MCM4: variants seen among roughly 807,000 people sequenced by gnomAD.
MCM4 encodes the protein DNA replication licensing factor MCM4.
In MCM4, 60 loss-of-function variants were observed where a neutral mutation model predicts 88.7. That is an observed-to-expected ratio of 0.68 (90% CI 0.55 to 0.84). MCM4 has a LOEUF of 0.84. Among genes scored for constraint, MCM4 ranks in the 40% least tolerant of loss-of-function variants. The probability of loss-of-function intolerance (pLI) is 0.00; values close to 1 mark genes in which losing one functional copy is unlikely to be tolerated. For missense variants in MCM4, 1,149 were observed against 1,105.5 expected, an observed-to-expected ratio of 1.04 and a Z score of -0.56; for synonymous variants, 465 against 410.5, an observed-to-expected ratio of 1.13 and a Z score of -1.61.
Position 47,976,808 on chromosome 8 carries a change from T to C in MCM4, c.*30T>C, listed in dbSNP as rs2091005533. The C allele has an allele frequency of 7.0e-7, 1 of 1,428,824 alleles. No individual in the cohort carries two copies. Among genetic ancestry groups the C allele is most frequent in the Non-Finnish European group, 9.9e-7 (1 of 1,011,948 alleles). The allele number at this position is 1,428,824 out of a possible 1,614,324, so 88.5% of individuals were successfully genotyped here. A position where few individuals can be genotyped will look rare whatever the true frequency, so the allele number is the denominator to read the frequency against. On this transcript the variant is annotated 3_prime_UTR_variant, in exon 17 of 17. Transcript: ENST00000649973. ...TTGTGAGCAAGGAAGGCTCCCTGCA[T>C]GTCCTGCTTGCTGCACGCCACATGG... is the stretch of plus-strand genomic sequence containing the variant.
chr8:47,972,836 A>G, intron 13 of MCM4, 21 bp from the exon 14 acceptor site: 12 of 1,606,978 alleles, frequency 7.5e-6, no homozygotes, highest in Non-Finnish European at 1.0e-5. Context: ...GAAAAACAGT[A>G]TTTTTACTTT....
At position 47,966,314 on chromosome 8, in the gene MCM4, C is replaced by A; in HGVS notation, c.960C>A (p.Gly320=). 1.2e-6 allele frequency: 2 copies of A among 1,614,058 alleles called. No homozygotes were observed. Among genetic ancestry groups the A allele is most frequent in the Non-Finnish European group, 1.7e-6 (2 of 1,180,050 alleles). Residue 320 remains glycine (G), a synonymous_variant, in exon 9 of 17, where the codon GGC becomes GGA. Coordinates refer to ENST00000649973, the MANE Select transcript of MCM4 (RefSeq NM_182746.3). The part of the protein sequence containing the change: ...AHTTRVEMDR[G]RIAEPSVCGR... ...CGACCCGGGTGGAGATGGACCGCGG[C>A]CGCATTGCAGAGCCCAGTGTGTGCG... is the stretch of plus-strand genomic sequence containing the variant.
At chr8:47,961,736 C>G (rs1482103409) in intron 3 of MCM4, 56 bp downstream of exon 3, 1 of 1,547,340 alleles carries the variant, frequency 6.5e-7, no homozygotes, top group East Asian at 2.3e-5. Flanking sequence ...GATGCTTTAT[C>G]TGCTCAGGTT....
chr8:47,972,923 C>T lies in MCM4; in HGVS notation c.1995C>T (p.His665=), dbSNP rs1368235746. The change falls in exon 14 of 17, where the codon CAC becomes CAT. Residue 665 remains histidine (H), a synonymous_variant. Transcript: ENST00000649973. ...CCTATGACAGGCGTCTGGCTCACCACCTGGTCGCACTGTACTACCAGAGCG... is the reference window on the plus strand; with the variant it reads ...CCTATGACAGGCGTCTGGCTCACCATCTGGTCGCACTGTACTACCAGAGCG... The part of the protein sequence containing the change: ...DEAYDRRLAH[H]LVALYYQSEE... 1.9e-6 allele frequency: 3 copies of T among 1,614,216 alleles called. No individual in the cohort carries two copies. Among genetic ancestry groups the T allele is most frequent in the Non-Finnish European group, 2.5e-6 (3 of 1,180,040 alleles).
intron 12 of MCM4, 160 bp from the exon 13 acceptor site, chr8:47,971,181 C>T: frequency 1.3e-6 from 1 of 794,586 alleles, no homozygotes. Context: ...GAGGACAGGG[C>T]TTATCCAGGT....
intron 10 of MCM4, 146 bp downstream of exon 10, chr8:47,967,631 C>G (rs776255889): frequency 1.1e-4 from 107 of 987,356 alleles, no homozygotes; most frequent in Non-Finnish European, 1.6e-4. Context: ...TATATCCCTG[C>G]TTTATCTGCC....
At position 47,970,592 on chromosome 8, in the gene MCM4, A is replaced by T. The variant is rs1416909966; in HGVS notation, c.1516A>T (p.Ile506Phe). Residue 506 changes from isoleucine to phenylalanine, a missense_variant, in exon 12 of 17, where the codon ATC becomes TTC. This residue lies in a region of MCM4 where 906 missense variants were observed against 843.0 expected (regional missense o/e 1.07). Transcript: ENST00000649973. ...GGGCAAATTTCGGGCTGAGATCAAC[A>T]TCTTGCTGTGTGGCGACCCTGGTAC... The part of the protein sequence containing the change: ...GRGKFRAEIN[I>F]LLCGDPGTSK... 3.1e-6 allele frequency: 5 copies of T among 1,614,018 alleles called. No individual in the cohort carries two copies. Among genetic ancestry groups the T allele is most frequent in the Non-Finnish European group, 4.2e-6 (5 of 1,180,036 alleles).
At chr8:47,963,066 G>T in intron 7 of MCM4, 26 bp downstream of exon 7, 2 of 1,285,606 alleles carry the variant, frequency 1.6e-6, no homozygotes, top group South Asian at 1.3e-5. Flanking sequence ...TGACCTTGAT[G>T]AATTTTAGTA....
Position 47,974,988 on chromosome 8 carries a change from A to C in MCM4, c.2365+26A>C, listed in dbSNP as rs143668681. The C allele has an allele frequency of 5.2e-5, 82 of 1,563,798 alleles. No homozygotes were observed. The African/African-American group carries it at 9.3e-4, about 18-fold the overall frequency. On this transcript the variant is annotated intron_variant, in intron 15 of 16. Transcript: ENST00000649973. The stretch of plus-strand genomic sequence containing the variant: ...GTTCGTTATTTTCAGTGAACAGAAA[A>C]GCTTTTGAAAATTATTTCAATATGC...
chr8:47,971,280 C>T lies in MCM4; in HGVS notation c.1801-61C>T, dbSNP rs560681679. 8.7e-5 allele frequency: 140 copies of T among 1,601,880 alleles called. 3 individuals carry two copies. Among genetic ancestry groups the T allele is most frequent in the South Asian group, 6.8e-4 (62 of 90,628 alleles). On this transcript the variant is annotated intron_variant, in intron 12 of 16. Transcript: ENST00000649973. ...GGTTTAGTAGGTGGCCGGGCGAAGACGGTGCTTGTTAATTGCCAGCGTCAG... is the reference window on the plus strand; with the variant it reads ...GGTTTAGTAGGTGGCCGGGCGAAGATGGTGCTTGTTAATTGCCAGCGTCAG...
rs757251763 is a variant in MCM4, at chr8:47,961,554, C to T, written c.109C>T (p.Arg37Cys). The T allele has an allele frequency of 5.6e-6, 9 of 1,614,164 alleles. No individual in the cohort carries two copies. Among genetic ancestry groups the T allele is most frequent in the South Asian group, 4.4e-5 (4 of 91,082 alleles). Residue 37 changes from arginine to cysteine, a missense_variant, in exon 3 of 17, where the codon CGT becomes TGT. Arg to Cys is a radical substitution (Grantham distance 180). This residue lies in a region of MCM4 where 906 missense variants were observed against 843.0 expected (regional missense o/e 1.07). Transcript: ENST00000649973. ...EDARSSPSQR[R>C]RGEDSTSTGE... is the part of the protein sequence containing the mutation. The stretch of plus-strand genomic sequence containing the variant: ...TGCCAGGTCATCTCCCTCTCAGAGA[C>T]GTAGAGGCGAGGATTCCACCTCCAC...
rs2090897821 is a variant in MCM4 at position 47,966,306 on chromosome 8, G to A, written c.952G>A (p.Asp318Asn). 6.2e-7 allele frequency: 1 copy of A among 1,613,900 alleles called. No individual in the cohort carries two copies. Among genetic ancestry groups the A allele is most frequent in the Non-Finnish European group, 8.5e-7 (1 of 1,180,038 alleles). ...TGCCCACACGACCCGGGTGGAGATG[G>A]ACCGCGGCCGCATTGCAGAGCCCAG... ...VCAHTTRVEM[D>N]RGRIAEPSVC... Residue 318 changes from aspartate to asparagine, a missense_variant, in exon 9 of 17, where the codon GAC becomes AAC. Asp to Asn is a conservative substitution (Grantham distance 23). This residue lies in a region of MCM4 where 906 missense variants were observed against 843.0 expected (regional missense o/e 1.07). Transcript: ENST00000649973.
chr8:47,962,721 C>T, intron 5 of MCM4, 43 bp from the exon 6 acceptor site: 3 of 1,181,710 alleles, frequency 2.5e-6, no homozygotes, highest in Non-Finnish European at 2.5e-6. Flanking sequence ...GTTGCCTGTT[C>T]CCAAATGCTA....
intron 3 of MCM4, 124 bp from the exon 4 acceptor site, chr8:47,961,929 A>G: frequency 2.0e-6 from 2 of 990,000 alleles, no homozygotes; most frequent in Non-Finnish European, 3.0e-6. Context: ...TCAGAATCTC[A>G]GCCACCGCAG....
chr8:47,966,295 G>T lies in MCM4; in HGVS notation c.941G>T (p.Arg314Leu). 1 of 1,614,006 alleles carries T rather than the reference G, an allele frequency of 6.2e-7. No homozygotes were observed. The highest frequency in any genetic ancestry group is 1.1e-5 in the South Asian group (1 of 91,074). Residue 314 changes from arginine (R) to leucine (L), a missense_variant, in exon 9 of 17, where the codon CGG becomes CTG. This residue lies in a region of MCM4 where 906 missense variants were observed against 843.0 expected (regional missense o/e 1.07). Coordinates refer to ENST00000649973, the MANE Select transcript of MCM4 (RefSeq NM_182746.3). ...FQCQVCAHTT[R>L]VEMDRGRIAE... ...TGCCAAGTGTGTGCCCACACGACCC[G>T]GGTGGAGATGGACCGCGGCCGCATT...
chr8:47,977,967 G>C lies in MCM4; in HGVS notation c.*1189G>C, dbSNP rs1445271913. 2 of 152,110 alleles carry C rather than the reference G, an allele frequency of 1.3e-5. No individual in the cohort carries two copies. The highest frequency in any genetic ancestry group is 3.8e-4 in the East Asian group (2 of 5,198). The allele number at this position is 152,110 out of a possible 1,614,324, so 9.4% of individuals were successfully genotyped here. On this transcript the variant is annotated 3_prime_UTR_variant, in exon 17 of 17. Transcript: ENST00000649973. ...GGCATTATTTTTCAGTAAGAAAAAA[G>C]CTTTACTAACCACTACATTTATGGA...
At chr8:47,969,638 G>C (rs1456846499) in intron 10 of MCM4, 160 bp from the exon 11 acceptor site, 7 of 650,494 alleles carry the variant, frequency 1.1e-5, no homozygotes, top group African/African-American at 1.8e-5. Flanking sequence ...TGAGTCCTGG[G>C]CTTGGGAGGG....
chr8:47,970,546 G>A lies in MCM4; in HGVS notation c.1470G>A (p.Lys490=). The A allele has an allele frequency of 1.2e-6, 2 of 1,606,618 alleles. No individual in the cohort carries two copies. The highest frequency in any genetic ancestry group is 1.7e-6 in the Non-Finnish European group (2 of 1,173,906). The change falls in exon 12 of 17, where the codon AAG becomes AAA. Residue 490 remains lysine (K), a synonymous_variant. Transcript: ENST00000649973. The stretch of plus-strand genomic sequence containing the variant: ...TTCAGCTCTTTGGCGGGACAAGGAA[G>A]GATTTTAGTCACACTGGAAGGGGCA... ...ILLQLFGGTR[K]DFSHTGRGKF...
chr8:47,975,429 A>T lies in MCM4; in HGVS notation c.2366-286A>T, dbSNP rs113519713. The T allele has an allele frequency of 1.6e-4, 31 of 193,152 alleles. 1 individual carries two copies. The highest frequency in any genetic ancestry group is 7.5e-4 in the African/African-American group (30 of 40,176). 12.0% of individuals were successfully genotyped at this position (193,152 alleles called of 1,614,324 possible). A position where few individuals can be genotyped will look rare whatever the true frequency, so the allele number is the denominator to read the frequency against. Reference sequence around the variant, plus strand: ...CAGTTTTGTGTATAGTTTTAAGGAGATTCTGTCTCCTTGACTGTCTGGGAA... The same window carrying T: ...CAGTTTTGTGTATAGTTTTAAGGAGTTTCTGTCTCCTTGACTGTCTGGGAA... On this transcript the variant is annotated intron_variant, in intron 15 of 16. Coordinates refer to ENST00000649973, the MANE Select transcript of MCM4 (RefSeq NM_182746.3).
Sources: gnomAD v4.1 joint callset for allele counts on GRCh38, gnomAD v4.1.1 for gene constraint, gnomAD v4.1.1 regional missense constraint, MANE v1.5 for transcripts, NCBI Gene and HGNC (gene_info 2026-07-23, HGNC 2026-07-21) for gene names.